LHFPL2: variants seen among roughly 807,000 people sequenced by gnomAD.
LHFPL2 encodes the protein LHFPL tetraspan subfamily member 2.
LHFPL2 carries 7 observed loss-of-function variants against 17.5 expected under a neutral mutation model. The ratio of observed to expected loss-of-function variants is 0.40; its 90% confidence interval spans 0.23 to 0.75. LHFPL2 has a LOEUF of 0.75. Ranked by LOEUF, LHFPL2 falls within the 30% of genes least tolerant of loss-of-function variation. The probability of loss-of-function intolerance (pLI) is 0.37; values close to 1 mark genes in which losing one functional copy is unlikely to be tolerated. For missense variants in LHFPL2, 241 were observed against 294.8 expected, an observed-to-expected ratio of 0.82 and a Z score of 1.34; for synonymous variants, 134 against 116.2, an observed-to-expected ratio of 1.15 and a Z score of -0.99.
chr5:78,607,274 G>A (rs1048922515), intron 2 of LHFPL2, among the ~76,000 whole-genome samples: 23 of 149,748 alleles, frequency 1.5e-4, no homozygotes, highest in South Asian at 8.6e-4. Flanking sequence ...CACCACCTCC[G>A]GCTAATTTTT....
At chr5:78,493,550 T>C (rs1180799841) in intron 4 of LHFPL2, among the ~76,000 whole-genome samples, 1 of 152,158 alleles carries the variant, frequency 6.6e-6, no homozygotes, top group Non-Finnish European at 1.5e-5. Context: ...AGAATGATGC[T>C]GGGCACACAG....
chr5:78,629,054 A>T (rs1271204754), intron 2 of LHFPL2, among the ~76,000 whole-genome samples: 7 of 152,200 alleles, frequency 4.6e-5, no homozygotes, highest in Non-Finnish European at 4.4e-5. Context: ...AGAACGCAGA[A>T]TATTTACTCT....
At chr5:78,607,571 A>T (rs1009239125) in intron 2 of LHFPL2, among the ~76,000 whole-genome samples, 2 of 152,232 alleles carry the variant, frequency 1.3e-5, no homozygotes, top group Admixed American at 6.5e-5. Flanking sequence ...AGTTACCCCC[A>T]TCCAGTTGGT....
chr5:78,574,432 C>T (rs935692633), intron 2 of LHFPL2, among the ~76,000 whole-genome samples: 1 of 152,214 alleles, frequency 6.6e-6, no homozygotes, highest in Non-Finnish European at 1.5e-5. Context: ...ACAGTCTGGC[C>T]AGAGGGCCCA....
At chr5:78,570,623 GTATATATATAGTATATATATATATACGTA>G (rs1756972726) in intron 2 of LHFPL2, among the ~76,000 whole-genome samples, 1 of 145,686 alleles carries the variant, frequency 6.9e-6, no homozygotes, top group Non-Finnish European at 1.5e-5. Context: ...ATATATATAC[GTATATATATAGTATATATATATATACGTA>G]TATATATATA....
At chr5:78,571,430 C>G (rs1166411294) in intron 2 of LHFPL2, among the ~76,000 whole-genome samples, 2 of 152,176 alleles carry the variant, frequency 1.3e-5, no homozygotes, top group Non-Finnish European at 1.5e-5. Flanking sequence ...CCGTGCCACC[C>G]TTCTCTGAGC....
At chr5:78,522,801 G>C (rs1222479671) in intron 3 of LHFPL2, among the ~76,000 whole-genome samples, 2 of 152,214 alleles carry the variant, frequency 1.3e-5, no homozygotes, top group Admixed American at 6.5e-5. Context: ...AGGTCATTGA[G>C]AACTCAGTGC....
chr5:78,515,781 ACTGT>A (rs1277505328), intron 3 of LHFPL2, among the ~76,000 whole-genome samples: 1 of 152,188 alleles, frequency 6.6e-6, no homozygotes, highest in Non-Finnish European at 1.5e-5. Context: ...CAGAAAGGCC[ACTGT>A]GAGGCAGCGT....
chr5:78,542,394 G>A (rs994468622), intron 3 of LHFPL2, among the ~76,000 whole-genome samples: 1 of 152,136 alleles, frequency 6.6e-6, no homozygotes, highest in Non-Finnish European at 1.5e-5. Context: ...CACAAGCAAA[G>A]GCTGCTTGTA....
intron 1 of LHFPL2, among the ~76,000 whole-genome samples, chr5:78,647,279 T>C (rs1745918266): frequency 6.6e-6 from 1 of 152,208 alleles, no homozygotes; most frequent in African/African-American, 2.4e-5. Context: ...AGAGAACCAG[T>C]AGGAAAGAAT....
intron 2 of LHFPL2, chr5:78,590,212 A>G (rs1045121598): frequency 6.6e-6 from 1 of 151,980 alleles, no homozygotes; most frequent in Non-Finnish European, 1.5e-5. Flanking sequence ...AACAACAACA[A>G]CAACAACAAC....
intron 2 of LHFPL2, among the ~76,000 whole-genome samples, chr5:78,610,846 G>A (rs952572375): frequency 6.6e-6 from 1 of 151,914 alleles, no homozygotes; most frequent in Non-Finnish European, 1.5e-5. Context: ...CCACATGCAT[G>A]GACTGAACCA....
At chr5:78,579,267 G>A (rs1742973311) in intron 2 of LHFPL2, among the ~76,000 whole-genome samples, 1 of 152,064 alleles carries the variant, frequency 6.6e-6, no homozygotes, top group African/African-American at 2.4e-5. Flanking sequence ...GGTGGAGGAG[G>A]AGGAGGATTT....
intron 2 of LHFPL2, among the ~76,000 whole-genome samples, chr5:78,627,328 GC>G (rs1348912851): frequency 6.6e-6 from 1 of 152,048 alleles, no homozygotes; most frequent in Non-Finnish European, 1.5e-5. Context: ...CACTCTAAAA[GC>G]CCTTTCTATC....
At chr5:78,490,444 A>G (rs1308976424) in intron 4 of LHFPL2, among the ~76,000 whole-genome samples, 2 of 152,070 alleles carry the variant, frequency 1.3e-5, no homozygotes, top group Non-Finnish European at 2.9e-5. Context: ...AAAACTTTAA[A>G]ACTTTCTTGG....
intron 3 of LHFPL2, among the ~76,000 whole-genome samples, chr5:78,557,267 T>C (rs1322909801): frequency 9.2e-5 from 14 of 152,336 alleles, no homozygotes; most frequent in Non-Finnish European, 1.5e-5. Flanking sequence ...CCAATGACTT[T>C]CTCTGCAACC....
At chr5:78,521,555 G>C (rs1437076882) in intron 3 of LHFPL2, among the ~76,000 whole-genome samples, 1 of 152,176 alleles carries the variant, frequency 6.6e-6, no homozygotes, top group Non-Finnish European at 1.5e-5. Flanking sequence ...TGCCTCCCAT[G>C]CTGTTAAAGG....
intron 3 of LHFPL2, among the ~76,000 whole-genome samples, chr5:78,554,238 A>G (rs1245577453): frequency 6.6e-6 from 1 of 152,254 alleles, no homozygotes; most frequent in Non-Finnish European, 1.5e-5. Context: ...GCACACGCTT[A>G]CAGCGAGCAC....
chr5:78,520,720 GT>G (rs903309006), intron 3 of LHFPL2, among the ~76,000 whole-genome samples: 26 of 152,144 alleles, frequency 1.7e-4, no homozygotes, highest in Non-Finnish European at 2.5e-4. Context: ...CTGCTCATAT[GT>G]TTTTTTTCCT....
Sources: gnomAD v4.1 joint callset for allele counts (sites outside exome capture counted in the v4.1 genomes callset) on GRCh38, gnomAD v4.1.1 for gene constraint, MANE v1.5 for transcripts, NCBI Gene and HGNC (gene_info 2026-07-23, HGNC 2026-07-21) for gene names.